Variants in HIKESHI observed in about 807,000 individuals in gnomAD.
HIKESHI encodes the protein heat shock protein nuclear import factor hikeshi.
HIKESHI carries 13 observed loss-of-function variants against 25.7 expected under a neutral mutation model. The observed-to-expected ratio is 0.51, with a 90% CI of 0.33 to 0.80. The LOEUF (loss-of-function observed/expected upper bound fraction) is 0.80, where lower values mean the gene tolerates loss of function less well. Among genes scored for constraint, HIKESHI ranks in the 30% least tolerant of loss-of-function variants. HIKESHI has a pLI of 0.02. For synonymous variants in HIKESHI, 76 were observed against 78.7 expected, an observed-to-expected ratio of 0.97 and a Z score of 0.18; for missense variants, 174 against 229.5, an observed-to-expected ratio of 0.76 and a Z score of 1.56.
chr11:86,330,576 T>A (rs1214610554), intron 2 of HIKESHI, among the ~76,000 whole-genome samples: 1 of 152,166 alleles, frequency 6.6e-6, no homozygotes, highest in Non-Finnish European at 1.5e-5. Context: ...TTTGATTTAA[T>A]CTGGTCCAGA....
At chr11:86,337,601 A>T (rs948398675) in intron 3 of HIKESHI, 71 bp downstream of exon 3, 2 of 1,431,872 alleles carry the variant, frequency 1.4e-6, no homozygotes, top group East Asian at 4.9e-5. Context: ...TACAAGTTAA[A>T]ATCGTAACTT....
intron 2 of HIKESHI, among the ~76,000 whole-genome samples, chr11:86,316,651 T>TAA (rs896796136): frequency 6.6e-6 from 1 of 152,088 alleles, no homozygotes; most frequent in Non-Finnish European, 1.5e-5. Flanking sequence ...AGTGTTTATA[T>TAA]AAATGTAAAC....
At chr11:86,325,937 A>T (rs1053120912) in intron 2 of HIKESHI, among the ~76,000 whole-genome samples, 1 of 151,898 alleles carries the variant, frequency 6.6e-6, no homozygotes, top group African/African-American at 2.4e-5. Context: ...GGGAAGGTTT[A>T]AAGAGGTTCC....
chr11:86,344,353 A>G, intron 3 of HIKESHI: 1 of 364,368 alleles, frequency 2.7e-6, no homozygotes, highest in South Asian at 1.4e-4. Context: ...TATTTTTTTG[A>G]CACAGGGCCT....
chr11:86,321,849 A>C (rs1220921533), intron 2 of HIKESHI, among the ~76,000 whole-genome samples: 1 of 152,098 alleles, frequency 6.6e-6, no homozygotes, highest in Non-Finnish European at 1.5e-5. Context: ...ATTTCAACCA[A>C]GAGTGTATGA....
intron 2 of HIKESHI, 23 bp downstream of exon 2, chr11:86,306,505 G>C: frequency 5.0e-6 from 7 of 1,394,074 alleles, no homozygotes; most frequent in Non-Finnish European, 7.0e-6. Flanking sequence ...TATTAAAGTA[G>C]TTTTATAATT....
intron 2 of HIKESHI, among the ~76,000 whole-genome samples, chr11:86,331,198 A>T (rs1565737266): frequency 6.6e-6 from 1 of 152,142 alleles, no homozygotes; most frequent in African/African-American, 2.4e-5. Flanking sequence ...GTTAGAAATT[A>T]CCCAGATAGG....
chr11:86,310,196 G>C (rs953793136), intron 2 of HIKESHI, among the ~76,000 whole-genome samples: 1 of 147,848 alleles, frequency 6.8e-6, no homozygotes, highest in Admixed American at 6.9e-5. Flanking sequence ...TCCTATCCAT[G>C]AGCATGGAAT....
rs1286306416 is a variant in HIKESHI at position 86,307,671 on chromosome 11, T to TTA, written c.268+1194_268+1195dup. 5.1e-4 allele frequency among the ~76,000 whole-genome samples: 30 copies of TTA among 59,190 alleles called. 3 individuals are homozygous for TTA. Among genetic ancestry groups the TTA allele is most frequent in the African/African-American group, 1.3e-3 (16 of 12,788 alleles). The allele number at this position is 59,190 out of a possible 152,430, so 38.8% of individuals were successfully genotyped here. ...AAATATATATTATGTGTAGTATACA[T>TTA]TATATAAAATATATATTATGTGTAG... On this transcript the variant is annotated intron_variant, in intron 2 of 4. Transcript: ENST00000278483.
At chr11:86,305,558 G>C (rs895817045) in intron 1 of HIKESHI, among the ~76,000 whole-genome samples, 4 of 150,458 alleles carry the variant, frequency 2.7e-5, no homozygotes, top group African/African-American at 9.8e-5. Context: ...GGCTAATTTC[G>C]TATTTTTAGT....
At chr11:86,344,831 C>T (rs1003106459) in intron 4 of HIKESHI, 110 bp downstream of exon 4, 13 of 763,422 alleles carry the variant, frequency 1.7e-5, no homozygotes, top group Non-Finnish European at 2.9e-5. Context: ...TTATTGTGAA[C>T]ATCAGCACTG....
rs1468096509 is a variant in HIKESHI, at chr11:86,308,398, C to T, written c.268+1916C>T. Among the ~76,000 whole-genome samples, 9 of 141,530 alleles carry T rather than the reference C, an allele frequency of 6.4e-5. No individual in the cohort carries two copies. The South Asian group carries it at 1.7e-3, about 27-fold the overall frequency. The allele number at this position is 141,530 out of a possible 152,430, so 92.8% of individuals were successfully genotyped here. A position where few individuals can be genotyped will look rare whatever the true frequency, so the allele number is the denominator to read the frequency against. On this transcript the variant is annotated intron_variant, in intron 2 of 4. Coordinates refer to ENST00000278483, the MANE Select transcript of HIKESHI (RefSeq NM_016401.4). ...GTATTATATATAAAAAATATATACA[C>T]ACACATACACGTGCTAAGTGAGAAG...
intron 1 of HIKESHI, chr11:86,303,348 C>T (rs1946543164): frequency 1.1e-6 from 1 of 913,670 alleles, no homozygotes; most frequent in Non-Finnish European, 1.3e-6. Context: ...GTATTCTGTA[C>T]ATATACAGTT....
chr11:86,310,495 A>C (rs1005977849), intron 2 of HIKESHI, among the ~76,000 whole-genome samples: 2 of 152,130 alleles, frequency 1.3e-5, no homozygotes, highest in African/African-American at 4.8e-5. Flanking sequence ...TAAATACACA[A>C]TGTCATCTGC....
intron 2 of HIKESHI, among the ~76,000 whole-genome samples, chr11:86,332,829 A>G (rs909623852): frequency 6.6e-6 from 1 of 152,226 alleles, no homozygotes; most frequent in Non-Finnish European, 1.5e-5. Flanking sequence ...ACGTCATACA[A>G]AATAGGTTGT....
At chr11:86,340,042 T>C (rs573011630) in intron 3 of HIKESHI, among the ~76,000 whole-genome samples, 4 of 152,146 alleles carry the variant, frequency 2.6e-5, no homozygotes, top group East Asian at 1.9e-4. Flanking sequence ...AGAATGATGG[T>C]TTCCAGCTTC....
intron 2 of HIKESHI, among the ~76,000 whole-genome samples, chr11:86,313,462 C>T (rs1565724660): frequency 1.3e-5 from 2 of 152,102 alleles, no homozygotes; most frequent in Non-Finnish European, 1.5e-5. Flanking sequence ...GAACTCCTGA[C>T]CTTAGGTGAT....
chr11:86,315,608 C>A (rs1946956682), intron 2 of HIKESHI, among the ~76,000 whole-genome samples: 1 of 152,146 alleles, frequency 6.6e-6, no homozygotes, highest in Non-Finnish European at 1.5e-5. Flanking sequence ...CATGAGCCAC[C>A]ATTCCCAGCC....
intron 1 of HIKESHI, 127 bp from the exon 2 acceptor site, chr11:86,306,118 A>G (rs1946616234): frequency 1.2e-5 from 8 of 665,672 alleles, no homozygotes; most frequent in Non-Finnish European, 2.1e-5. Flanking sequence ...AGACTATCAG[A>G]TTTAACATTC....
Sources: gnomAD v4.1 joint callset for allele counts (sites outside exome capture counted in the v4.1 genomes callset) on GRCh38, gnomAD v4.1.1 for gene constraint, MANE v1.5 for transcripts, NCBI Gene and HGNC (gene_info 2026-07-23, HGNC 2026-07-21) for gene names.